ZDHHC11: variants seen among roughly 807,000 people sequenced by gnomAD.
ZDHHC11 encodes palmitoyltransferase ZDHHC11.
In ZDHHC11, 44 loss-of-function variants were observed where a neutral mutation model predicts 51.3. The observed-to-expected ratio is 0.86, with a 90% CI of 0.67 to 1.10. ZDHHC11 has a LOEUF of 1.10. ZDHHC11 is among the 50% of genes least tolerant of loss of function. The pLI, the probability that ZDHHC11 is intolerant of heterozygous loss-of-function variation, is 0.00. For missense variants in ZDHHC11, 400 were observed against 537.7 expected, an observed-to-expected ratio of 0.74 and a Z score of 2.53; for synonymous variants, 163 against 222.0, an observed-to-expected ratio of 0.73 and a Z score of 2.36.
At chr5:803,804 T>G (rs1374109609) in intron 11 of ZDHHC11, among the ~76,000 whole-genome samples, 1 of 150,380 alleles carries the variant, frequency 6.6e-6, no homozygotes, top group East Asian at 1.9e-4. Context: ...GAGATAGAAA[T>G]TATATATTTT....
At chr5:804,325 A>G (rs1474649081) in intron 11 of ZDHHC11, among the ~76,000 whole-genome samples, 3 of 151,338 alleles carry the variant, frequency 2.0e-5, no homozygotes, top group Non-Finnish European at 4.4e-5. Context: ...AATGTACAGG[A>G]AAAAACATAG....
chr5:803,706 G>A lies in ZDHHC11; in HGVS notation c.1182-2542C>T, dbSNP rs186646613. 1.0e-3 allele frequency among the ~76,000 whole-genome samples: 154 copies of A among 151,106 alleles called. 7 individuals are homozygous for A. The highest frequency in any genetic ancestry group is 4.3e-3 in the Admixed American group (65 of 15,154). ...ACTAGTCAAACACATTAAATCAGCT[G>A]TCTTAAATATGCTCAGTAAACTACA... On this transcript the variant is annotated intron_variant, in intron 11 of 12. Transcript: ENST00000283441.
At chr5:829,639 T>C (rs896470457) in intron 7 of ZDHHC11, among the ~76,000 whole-genome samples, 1 of 151,496 alleles carries the variant, frequency 6.6e-6, no homozygotes, top group African/African-American at 2.4e-5. Flanking sequence ...AATCATTCCA[T>C]GAAGCCAGTA....
At chr5:818,415 C>T (rs1741115304) in intron 10 of ZDHHC11, among the ~76,000 whole-genome samples, 2 of 151,830 alleles carry the variant, frequency 1.3e-5, no homozygotes, top group Non-Finnish European at 3.0e-5. Flanking sequence ...GCTGTTCCTC[C>T]AGGCTGGCTG....
upstream of ZDHHC11, among the ~76,000 whole-genome samples, chr5:852,539 G>A (rs1339699514): frequency 2.0e-5 from 3 of 152,122 alleles, no homozygotes; most frequent in Admixed American, 2.0e-4. Flanking sequence ...CTCCACAGAG[G>A]ACAGTGAGCC....
chr5:821,803 C>T (rs1280392238), intron 9 of ZDHHC11, 58 bp downstream of exon 9: 12 of 1,458,888 alleles, frequency 8.2e-6, no homozygotes, highest in South Asian at 2.5e-5. Flanking sequence ...CGAGATGAGA[C>T]GAGTGTATAA....
rs73730955 is a variant in ZDHHC11, at chr5:804,138, T to C, written c.1182-2974A>G. ...TTCTGCACTTTCAGTTACCTCTGGG[T>C]AACCACAGTCCAATAATATTAAATG... On this transcript the variant is annotated intron_variant, in intron 11 of 12. Transcript: ENST00000283441. Among the ~76,000 whole-genome samples, 196 of 151,400 alleles carry C rather than the reference T, an allele frequency of 1.3e-3. 6 individuals are homozygous for C. The highest frequency in any genetic ancestry group is 3.7e-3 in the African/African-American group (154 of 41,322).
chr5:835,737 C>T (rs1330197585), intron 6 of ZDHHC11, among the ~76,000 whole-genome samples: 1 of 151,920 alleles, frequency 6.6e-6, no homozygotes, highest in Non-Finnish European at 1.5e-5. Flanking sequence ...GAATGCTGTA[C>T]ACCTTTTCAC....
chr5:824,641 A>T (rs1466669879), intron 8 of ZDHHC11, among the ~76,000 whole-genome samples: 1 of 151,254 alleles, frequency 6.6e-6, no homozygotes, highest in African/African-American at 2.4e-5. Flanking sequence ...ACCACACACA[A>T]AACCACACAC....
At chr5:844,747 C>A (rs1464346763) in intron 3 of ZDHHC11, among the ~76,000 whole-genome samples, 3 of 152,426 alleles carry the variant, frequency 2.0e-5, no homozygotes, top group South Asian at 4.1e-4. Flanking sequence ...GCAGTCCCCC[C>A]TTCTCCAAGG....
chr5:807,749 T>A (rs1331906637), intron 11 of ZDHHC11, among the ~76,000 whole-genome samples: 2 of 152,048 alleles, frequency 1.3e-5, no homozygotes, highest in East Asian at 3.9e-4. Flanking sequence ...GTTTAAAAAC[T>A]TATGAGATTA....
At chr5:836,009 A>G (rs1281358136) in intron 6 of ZDHHC11, among the ~76,000 whole-genome samples, 1 of 151,718 alleles carries the variant, frequency 6.6e-6, no homozygotes, top group Non-Finnish European at 1.5e-5. Context: ...GCAAATAAAC[A>G]CAGTTTTATT....
chr5:817,995 A>G (rs180777359), intron 10 of ZDHHC11, among the ~76,000 whole-genome samples: 5 of 151,412 alleles, frequency 3.3e-5, no homozygotes, highest in Admixed American at 1.3e-4. Flanking sequence ...GTGCATTTTC[A>G]GATGGAATTC....
chr5:843,915 C>T (rs1354427664), intron 3 of ZDHHC11, among the ~76,000 whole-genome samples, 191 bp from the exon 4 acceptor site: 13 of 105,310 alleles, frequency 1.2e-4, no homozygotes, highest in Middle Eastern at 4.2e-3. Context: ...GGCAGGGACA[C>T]GCAGGGCATC....
At chr5:854,602 C>T (rs1250667865), upstream of ZDHHC11, among the ~76,000 whole-genome samples, 6 of 149,936 alleles carry the variant, frequency 4.0e-5, no homozygotes, top group South Asian at 2.1e-4. Flanking sequence ...GGACAGCGAG[C>T]GAGTGGCACA....
intron 1 of ZDHHC11, among the ~76,000 whole-genome samples, chr5:848,904 CCCAGCCCTGCACAG>C (rs561034712): frequency 0.053 from 8,011 of 151,052 alleles, 235 homozygotes; most frequent in African/African-American, 0.073. Flanking sequence ...GGCCTGCACA[CCCAGCCCTGCACAG>C]CCAGCCCTGC....
At chr5:814,667 AACATGTT>A (rs1740529638) in intron 11 of ZDHHC11, 87 bp downstream of exon 11, 1 of 1,294,166 alleles carries the variant, frequency 7.7e-7, no homozygotes, top group Admixed American at 2.9e-5. Context: ...AGATTATTTG[AACATGTT>A]AAATAGAGAA....
At chr5:799,884 T>C (rs1738165205) in intron 12 of ZDHHC11, among the ~76,000 whole-genome samples, 1 of 151,482 alleles carries the variant, frequency 6.6e-6, no homozygotes, top group Non-Finnish European at 1.5e-5. Context: ...TCAATCTCAG[T>C]GGATTTGTCT....
intron 9 of ZDHHC11, among the ~76,000 whole-genome samples, chr5:819,921 T>C (rs1256274226): frequency 1.3e-5 from 2 of 151,278 alleles, no homozygotes; most frequent in East Asian, 3.9e-4. Context: ...CCTCCGTTAG[T>C]GTAGCTGGTC....
Sources: gnomAD v4.1 joint callset for allele counts (sites outside exome capture counted in the v4.1 genomes callset) on GRCh38, gnomAD v4.1.1 for gene constraint, MANE v1.5 for transcripts, NCBI Gene and HGNC (gene_info 2026-07-23, HGNC 2026-07-21) for gene names.